Variants in SLC16A12 observed in about 807,000 individuals in gnomAD.
The protein encoded by SLC16A12 is monocarboxylate transporter 12.
Under a neutral mutation model 42.4 loss-of-function variants are expected in SLC16A12, and 17 were observed. The ratio of observed to expected loss-of-function variants is 0.40; its 90% CI spans 0.27 to 0.60. SLC16A12 has a LOEUF of 0.60. Ranked by LOEUF, SLC16A12 falls within the 20% of genes least tolerant of loss-of-function variation. The pLI is 0.42. For missense variants in SLC16A12, 544 were observed against 623.0 expected, an observed-to-expected ratio of 0.87 and a Z score of 1.35; for synonymous variants, 224 against 229.4, an observed-to-expected ratio of 0.98 and a Z score of 0.21.
chr10:89,438,538 G>T, intron 6 of SLC16A12, 66 bp downstream of exon 6: 1 of 1,394,790 alleles, frequency 7.2e-7, no homozygotes, highest in Non-Finnish European at 1.0e-6. Flanking sequence ...AGGGTAAGGG[G>T]CTGAGGAGAA....
intron 2 of SLC16A12, among the ~76,000 whole-genome samples, chr10:89,497,468 C>G (rs1842936768): frequency 6.6e-6 from 1 of 152,000 alleles, no homozygotes; most frequent in Admixed American, 6.6e-5. Flanking sequence ...AACTCAAAGA[C>G]CAGGTCTTTT....
At chr10:89,510,450 T>A (rs1398974629) in intron 2 of SLC16A12, among the ~76,000 whole-genome samples, 1 of 152,162 alleles carries the variant, frequency 6.6e-6, no homozygotes, top group Non-Finnish European at 1.5e-5. Flanking sequence ...AACCATCTGA[T>A]CTTTGACAAA....
intron 2 of SLC16A12, among the ~76,000 whole-genome samples, chr10:89,493,256 C>A (rs952650053): frequency 3.5e-5 from 5 of 144,460 alleles, no homozygotes; most frequent in African/African-American, 1.0e-4. Context: ...GAGTTTCACT[C>A]TTGTTGCCCA....
At chr10:89,486,295 A>G (rs1379237925) in intron 2 of SLC16A12, among the ~76,000 whole-genome samples, 2 of 152,156 alleles carry the variant, frequency 1.3e-5, no homozygotes, top group Non-Finnish European at 2.9e-5. Context: ...AAGACCACAA[A>G]GATTGAGAAT....
chr10:89,436,263 A>G lies in SLC16A12; in HGVS notation c.1085T>C (p.Leu362Pro). The G allele has an allele frequency of 6.2e-7, 1 of 1,614,164 alleles. No homozygotes were observed. The highest frequency in any genetic ancestry group is 8.5e-7 in the Non-Finnish European group (1 of 1,180,000). Reference protein sequence around the residue: ...CYLFAVGMDGLCYLCLPMLQS... With the variant: ...CYLFAVGMDGPCYLCLPMLQS... ...AAGCATTGGGAGGCAGAGATAGCAG[A>G]GCCCATCCATTCCCACGGCAAAGAG... is the stretch of plus-strand genomic sequence containing the variant. Residue 362 changes from leucine to proline, a missense_variant, in exon 7 of 8, where the codon CTC becomes CCC. Transcript: ENST00000371790.
Position 89,462,591 on chromosome 10 carries a change from T to C in SLC16A12, c.-13A>G, listed in dbSNP as rs891410187. On this transcript the variant is annotated 5_prime_UTR_variant, in exon 3 of 8. It removes an upstream start codon present in the reference 5' UTR. Transcript: ENST00000371790. The stretch of plus-strand genomic sequence containing the variant: ...TTCCTGATGGCATTCAAGGTTGGCA[T>C]AGAACGCTACCTGGCCCATGGGTTA... 21 of 1,591,692 alleles carry C rather than the reference T, an allele frequency of 1.3e-5. No individual in the cohort carries two copies. The highest frequency in any genetic ancestry group is 1.7e-5 in the Non-Finnish European group (20 of 1,172,742).
chr10:89,551,204 G>A (rs1843768464), intron 2 of SLC16A12, among the ~76,000 whole-genome samples: 2 of 152,168 alleles, frequency 1.3e-5, no homozygotes, highest in South Asian at 4.1e-4. Flanking sequence ...CAATTTGGGA[G>A]GCCAAGGAAG....
chr10:89,496,769 C>A (rs1294567279), intron 2 of SLC16A12, among the ~76,000 whole-genome samples: 3 of 152,108 alleles, frequency 2.0e-5, no homozygotes, highest in African/African-American at 7.2e-5. Flanking sequence ...AACACTTTCA[C>A]ATTTGACTAC....
chr10:89,461,898 G>C (rs1449454787), intron 3 of SLC16A12, among the ~76,000 whole-genome samples: 1 of 152,166 alleles, frequency 6.6e-6, no homozygotes, highest in African/African-American at 2.4e-5. Context: ...TTTCACATGT[G>C]ATGAGTTTTA....
Position 89,436,884 on chromosome 10 carries a change from G to GAAAGAAAGA in SLC16A12, c.1029-574_1029-566dup, listed in dbSNP as rs1554825754. The stretch of plus-strand genomic sequence containing the variant: ...AAATAAAGAAAAAGAAAGAAAGAAA[G>GAAAGAAAGA]AAAGAAAGAAAGAAAGAAAGAAAGA... On this transcript the variant is annotated intron_variant, in intron 6 of 7. Coordinates refer to ENST00000371790, the MANE Select transcript of SLC16A12 (RefSeq NM_213606.4). Among the ~76,000 whole-genome samples, 4 of 144,562 alleles carry GAAAGAAAGA rather than the reference G, an allele frequency of 2.8e-5. No homozygotes were observed. In the South Asian group the frequency reaches 6.8e-4, roughly 25 times the overall value. 94.8% of individuals were successfully genotyped at this position (144,562 alleles called of 152,430 possible). A position where few individuals can be genotyped will look rare whatever the true frequency, so the allele number is the denominator to read the frequency against.
chr10:89,496,902 T>G (rs1251971885), intron 2 of SLC16A12, among the ~76,000 whole-genome samples: 2 of 152,170 alleles, frequency 1.3e-5, no homozygotes, highest in African/African-American at 4.8e-5. Flanking sequence ...TAAAAGGAAC[T>G]CCTATTAAAA....
At chr10:89,490,171 G>A (rs747488053) in intron 2 of SLC16A12, among the ~76,000 whole-genome samples, 10 of 152,228 alleles carry the variant, frequency 6.6e-5, no homozygotes, top group African/African-American at 9.6e-5. Flanking sequence ...CCTGAAGATT[G>A]TAAAATCATG....
intron 6 of SLC16A12, 76 bp downstream of exon 6, chr10:89,438,528 A>AGGGTAAG (rs1841842507): frequency 7.7e-7 from 1 of 1,303,358 alleles, no homozygotes; most frequent in Non-Finnish European, 1.1e-6. Flanking sequence ...GGTACTCCAC[A>AGGGTAAG]GGGTAAGGGG....
In SLC16A12 at chr10:89,441,248, G is replaced by A. The variant is rs1393827649; in HGVS notation, c.308C>T (p.Pro103Leu). 6.2e-7 allele frequency: 1 copy of A among 1,614,026 alleles called. No individual in the cohort carries two copies. Among genetic ancestry groups the A allele is most frequent in the Non-Finnish European group, 8.5e-7 (1 of 1,179,952 alleles). ...ATGGTTACTGACAACACTCCCAAGT[G>A]GAGCTTCAAAAACAATAAGAAATAG... The part of the protein sequence containing the change: ...IVDCVTMLCA[P>L]LGSVVSNHLS... Residue 103 changes from proline (P) to leucine (L), a missense_variant, in exon 5 of 8, where the codon CCA (proline) becomes CTA (leucine). Transcript: ENST00000371790.
At chr10:89,452,856 T>C (rs1253858857) in intron 3 of SLC16A12, among the ~76,000 whole-genome samples, 1 of 152,228 alleles carries the variant, frequency 6.6e-6, no homozygotes, top group Non-Finnish European at 1.5e-5. Context: ...ACGTCCTCAA[T>C]CAGCCATTGG....
rs1243958687 is a variant in SLC16A12 at position 89,438,919 on chromosome 10, T to C, written c.713A>G (p.Gln238Arg). ...TLKEDHTTPEQNHVCRTQKED... is the reference protein window; with the variant it reads ...TLKEDHTTPERNHVCRTQKED... Reference sequence around the variant, plus strand: ...TTTCTGAGTTCTACACACATGGTTCTGCTCTGGAGTTGTGTGGTCCTCTTT... The same window carrying C: ...TTTCTGAGTTCTACACACATGGTTCCGCTCTGGAGTTGTGTGGTCCTCTTT... The change falls in exon 6 of 8, where the codon CAG becomes CGG. Residue 238 changes from glutamine (Q) to arginine (R), a missense_variant. By Grantham distance (43) the Gln-to-Arg change is conservative (BLOSUM62 1). Coordinates refer to ENST00000371790, the MANE Select transcript of SLC16A12 (RefSeq NM_213606.4). The C allele has an allele frequency of 3.1e-6, 5 of 1,614,100 alleles. No homozygotes were observed. In the South Asian group the frequency reaches 5.5e-5, roughly 18 times the overall value.
chr10:89,528,320 A>G (rs985683242), intron 2 of SLC16A12, among the ~76,000 whole-genome samples: 6 of 152,258 alleles, frequency 3.9e-5, no homozygotes, highest in Non-Finnish European at 8.8e-5. Context: ...TAAAGGACAC[A>G]TCTGTAAGTA....
At chr10:89,511,455 T>C (rs907538880) in intron 2 of SLC16A12, among the ~76,000 whole-genome samples, 19 of 152,110 alleles carry the variant, frequency 1.2e-4, no homozygotes, top group African/African-American at 3.6e-4. Flanking sequence ...TGGAAACCCA[T>C]CATTCTCAGC....
rs118121863 is a variant in SLC16A12 at position 89,512,863 on chromosome 10, G to A, written c.-47+21638C>T. ...TCAAAGTATGGGTGCCAACCAGGAC[G>A]TGGAATTGGCATCTGAAGTGGGGGC... On this transcript the variant is annotated intron_variant, in intron 2 of 7. Coordinates refer to ENST00000371790, the MANE Select transcript of SLC16A12 (RefSeq NM_213606.4). 4.2e-4 allele frequency among the ~76,000 whole-genome samples: 64 copies of A among 152,300 alleles called. No individual in the cohort carries two copies. The East Asian group carries it at 0.011, about 26-fold the overall frequency.
Sources: allele counts gnomAD v4.1 joint callset (sites outside exome capture counted in the v4.1 genomes callset), GRCh38; gene constraint gnomAD v4.1.1; transcripts MANE v1.5; gene names NCBI Gene and HGNC (gene_info 2026-07-23, HGNC 2026-07-21).